The following CERS6 variants were observed in gnomAD, a reference collection of about 807,000 sequenced individuals.
CERS6 encodes ceramide synthase 6.
In CERS6, 26 loss-of-function variants were observed where a neutral mutation model predicts 56.8. The ratio of observed to expected loss-of-function variants is 0.46; its 90% CI spans 0.34 to 0.63. The LOEUF (loss-of-function observed/expected upper bound fraction) is 0.63. Among genes scored for constraint, CERS6 ranks in the 30% least tolerant of loss-of-function variants. The pLI, the probability that CERS6 is intolerant of heterozygous loss-of-function variation, is 0.01. For synonymous variants in CERS6, 164 were observed against 173.3 expected (o/e 0.95, Z 0.42); for missense variants, 415 against 467.5 (o/e 0.89, Z 1.04).
chr2:168,760,556 C>A (rs1684544206), intron 8 of CERS6, among the ~76,000 whole-genome samples: 1 of 152,074 alleles, frequency 6.6e-6, no homozygotes, highest in Non-Finnish European at 1.5e-5. Flanking sequence ...CTATCACAAC[C>A]ACTGTCCTGA....
At chr2:168,494,375 A>C (rs1209199459) in intron 1 of CERS6, among the ~76,000 whole-genome samples, 1 of 152,192 alleles carries the variant, frequency 6.6e-6, no homozygotes, top group East Asian at 1.9e-4. Context: ...ACTTTGGGCT[A>C]GTTAGTTAAC....
chr2:168,607,677 G>A (rs76607697), intron 3 of CERS6, among the ~76,000 whole-genome samples: 5 of 152,184 alleles, frequency 3.3e-5, no homozygotes, highest in African/African-American at 1.2e-4. Context: ...ACTGTGCCAG[G>A]CCAAAACTAG....
At chr2:168,471,655 C>G (rs1693980490) in intron 1 of CERS6, among the ~76,000 whole-genome samples, 1 of 152,200 alleles carries the variant, frequency 6.6e-6, no homozygotes, top group South Asian at 2.1e-4. Context: ...GGTAGCCGCT[C>G]TCTCCGTCAA....
rs115415132 is a variant in CERS6 at position 168,600,851 on chromosome 2, A to G, written c.408-30134A>G. Among the ~76,000 whole-genome samples the G allele has an allele frequency of 1.9e-3, 288 of 152,354 alleles. 1 individual carries two copies. Among genetic ancestry groups the G allele is most frequent in the Non-Finnish European group, 3.1e-3 (208 of 68,038 alleles). On this transcript the variant is annotated intron_variant, in intron 3 of 9. Transcript: ENST00000305747. Reference sequence around the variant, plus strand: ...CTAATAGTGCCTTGGTAATGGTCACATGTAAGTGGTAGCCAAGTCTAGTTC... The same window carrying G: ...CTAATAGTGCCTTGGTAATGGTCACGTGTAAGTGGTAGCCAAGTCTAGTTC...
At chr2:168,676,723 T>G (rs1425223836) in intron 4 of CERS6, among the ~76,000 whole-genome samples, 3 of 152,338 alleles carry the variant, frequency 2.0e-5, no homozygotes, top group African/African-American at 7.2e-5. Flanking sequence ...GCAACTCAAA[T>G]GAGAATCACA....
intron 3 of CERS6, among the ~76,000 whole-genome samples, chr2:168,615,210 T>C (rs1345859351): frequency 6.6e-6 from 1 of 152,132 alleles, no homozygotes; most frequent in Non-Finnish European, 1.5e-5. Flanking sequence ...ACAAAGAATC[T>C]GAACAGCAGC....
chr2:168,550,577 C>T (rs1695548543), intron 2 of CERS6, among the ~76,000 whole-genome samples: 1 of 152,212 alleles, frequency 6.6e-6, no homozygotes, highest in Non-Finnish European at 1.5e-5. Context: ...GGGCCCCACC[C>T]TGTGACTTAG....
chr2:168,618,051 A>G (rs186080106), intron 3 of CERS6, among the ~76,000 whole-genome samples: 1 of 152,238 alleles, frequency 6.6e-6, no homozygotes, highest in Non-Finnish European at 1.5e-5. Flanking sequence ...AGTGAGTTTC[A>G]TACCAGGGAT....
intron 1 of CERS6, among the ~76,000 whole-genome samples, chr2:168,526,393 G>A (rs1695072599): frequency 6.6e-6 from 1 of 152,148 alleles, no homozygotes; most frequent in East Asian, 1.9e-4. Flanking sequence ...TAGACCAACT[G>A]GAAGTACACG....
At chr2:168,764,441 C>G (rs1432310676) in intron 8 of CERS6, among the ~76,000 whole-genome samples, 1 of 152,216 alleles carries the variant, frequency 6.6e-6, no homozygotes, top group Non-Finnish European at 1.5e-5. Context: ...GGCACCCAGA[C>G]TGCATTCATT....
intron 2 of CERS6, among the ~76,000 whole-genome samples, chr2:168,557,302 G>A (rs977109362): frequency 2.0e-5 from 3 of 152,120 alleles, no homozygotes; most frequent in African/African-American, 7.2e-5. Flanking sequence ...ACTCTTGAAG[G>A]ACACAAAAGA....
intron 1 of CERS6, among the ~76,000 whole-genome samples, chr2:168,482,265 AC>A (rs1341182247): frequency 6.6e-6 from 1 of 152,232 alleles, no homozygotes; most frequent in African/African-American, 2.4e-5. Flanking sequence ...TTTCCCATTT[AC>A]TAGCTGGATT....
At chr2:168,468,848 C>G (rs1693928307) in intron 1 of CERS6, among the ~76,000 whole-genome samples, 1 of 151,916 alleles carries the variant, frequency 6.6e-6, no homozygotes, top group Non-Finnish European at 1.5e-5. Context: ...GAAAACACCC[C>G]TAGCAGCTTA....
Position 168,762,022 on chromosome 2 carries a change from G to A in CERS6, c.846-3570G>A, listed in dbSNP as rs115506924. Reference sequence around the variant, plus strand: ...GGCCTGTCAGGGGGTCAGGGGCAAAGGAAGGAGAGCATTAGGACAAATACC... The same window carrying A: ...GGCCTGTCAGGGGGTCAGGGGCAAAAGAAGGAGAGCATTAGGACAAATACC... On this transcript the variant is annotated intron_variant, in intron 8 of 9. Transcript: ENST00000305747. Among the ~76,000 whole-genome samples, 487 of 152,230 alleles carry A rather than the reference G, an allele frequency of 3.2e-3. 2 individuals carry two copies. The highest frequency in any genetic ancestry group is 0.011 in the African/African-American group (452 of 41,540).
Position 168,727,432 on chromosome 2 carries a change from C to A in CERS6, c.845+9454C>A, listed in dbSNP as rs1478859513. ...GGTGTGGTGGCATGCGCCTGTAGTC[C>A]CAGCTACTCAGGAGGCTGAGGCAGG... On this transcript the variant is annotated intron_variant, in intron 8 of 9. Transcript: ENST00000305747. Among the ~76,000 whole-genome samples the A allele has an allele frequency of 2.0e-5, 3 of 151,890 alleles. No homozygotes were observed. In the East Asian group the frequency reaches 5.8e-4, roughly 29 times the overall value.
intron 6 of CERS6, among the ~76,000 whole-genome samples, chr2:168,704,667 C>T (rs1387387946): frequency 2.0e-5 from 3 of 152,122 alleles, no homozygotes; most frequent in Non-Finnish European, 4.4e-5. Context: ...AGTGCAGTGG[C>T]GTGATCTTGG....
At chr2:168,535,195 A>G (rs1373490422) in intron 1 of CERS6, among the ~76,000 whole-genome samples, 2 of 152,176 alleles carry the variant, frequency 1.3e-5, no homozygotes, top group Non-Finnish European at 1.5e-5. Context: ...AGGAGCTCAT[A>G]TGGCTTAGAC....
chr2:168,658,743 A>G (rs931055272), intron 4 of CERS6, among the ~76,000 whole-genome samples: 1 of 152,240 alleles, frequency 6.6e-6, no homozygotes, highest in Non-Finnish European at 1.5e-5. Flanking sequence ...ACTGAGGCAG[A>G]AAAAAAGTCA....
intron 3 of CERS6, among the ~76,000 whole-genome samples, chr2:168,599,213 A>G (rs926645220): frequency 2.6e-5 from 4 of 152,128 alleles, no homozygotes; most frequent in Non-Finnish European, 4.4e-5. Context: ...GGGTGGAGGA[A>G]AATTCTTGGT....
Sources: allele counts gnomAD v4.1 joint callset (sites outside exome capture counted in the v4.1 genomes callset), GRCh38; gene constraint gnomAD v4.1.1; transcripts MANE v1.5; gene names NCBI Gene and HGNC (gene_info 2026-07-23, HGNC 2026-07-21).